ENOX1: variants seen among roughly 807,000 people sequenced by gnomAD.
The protein encoded by ENOX1 is candidate growth-related and time keeping constitutive hydroquinone (NADH) oxidase.
In ENOX1, 42 loss-of-function variants were observed where a neutral mutation model predicts 82.5. The observed-to-expected ratio is 0.51, with a 90% CI of 0.40 to 0.66. The LOEUF is 0.66. Among genes scored for constraint, ENOX1 ranks in the 30% least tolerant of loss-of-function variants. ENOX1 has a pLI of 0.00. For synonymous variants in ENOX1, 271 were observed against 282.2 expected (o/e 0.96, Z 0.40); for missense variants, 608 against 811.6 (o/e 0.75, Z 3.05).
chr13:43,362,761 A>T (rs2050610744), intron 5 of ENOX1, among the ~76,000 whole-genome samples: 1 of 152,204 alleles, frequency 6.6e-6, no homozygotes, highest in South Asian at 2.1e-4. Context: ...AGGTTTACAG[A>T]TTCCGCCAGC....
intron 2 of ENOX1, among the ~76,000 whole-genome samples, chr13:43,617,193 G>A (rs1280303251): frequency 6.6e-5 from 10 of 152,104 alleles, no homozygotes; most frequent in Non-Finnish European, 7.4e-5. Context: ...CCGTATGTAT[G>A]GTTATCAATA....
intron 8 of ENOX1, 80 bp from the exon 9 acceptor site, chr13:43,344,830 A>G (rs945803858): frequency 7.1e-7 from 1 of 1,407,108 alleles, no homozygotes; most frequent in African/African-American, 1.4e-5. Flanking sequence ...CAAAAGACAG[A>G]GCATAGTCCA....
At chr13:43,549,394 C>T (rs573974237) in intron 2 of ENOX1, among the ~76,000 whole-genome samples, 1 of 152,266 alleles carries the variant, frequency 6.6e-6, no homozygotes, top group South Asian at 2.1e-4. Flanking sequence ...AGCAAAATAA[C>T]AACTGCTAAA....
chr13:43,300,470 C>T (rs2046510299), intron 11 of ENOX1, among the ~76,000 whole-genome samples: 1 of 152,092 alleles, frequency 6.6e-6, no homozygotes, highest in Non-Finnish European at 1.5e-5. Context: ...TAAAAGAGGG[C>T]TTTGGAAGAT....
chr13:43,391,247 T>C (rs1405943166), intron 5 of ENOX1, among the ~76,000 whole-genome samples: 1 of 152,144 alleles, frequency 6.6e-6, no homozygotes, highest in Non-Finnish European at 1.5e-5. Context: ...TGACTACTCA[T>C]TTCCTCTCAA....
intron 1 of ENOX1, among the ~76,000 whole-genome samples, chr13:43,708,666 T>C (rs2087481232): frequency 1.3e-5 from 2 of 152,218 alleles, no homozygotes; most frequent in African/African-American, 4.8e-5. Context: ...GAAAGTGTGA[T>C]CTTTTCAACA....
intron 2 of ENOX1, among the ~76,000 whole-genome samples, chr13:43,553,211 A>G (rs568236598): frequency 6.6e-6 from 1 of 152,200 alleles, no homozygotes. Context: ...TATTTAATGT[A>G]GGTTTAGGTA....
intron 2 of ENOX1, among the ~76,000 whole-genome samples, chr13:43,504,754 T>C (rs535261300): frequency 5.9e-5 from 9 of 151,702 alleles, no homozygotes; most frequent in Non-Finnish European, 1.0e-4. Context: ...AGAGTGCCTA[T>C]AGTTAATATT....
At chr13:43,259,208 C>G (rs983445481) in intron 14 of ENOX1, among the ~76,000 whole-genome samples, 5 of 152,130 alleles carry the variant, frequency 3.3e-5, no homozygotes, top group Admixed American at 2.6e-4. Flanking sequence ...TAGGGTCACT[C>G]AGATTGAAAC....
chr13:43,469,316 G>T (rs2153644909), intron 3 of ENOX1, among the ~76,000 whole-genome samples: 1 of 152,002 alleles, frequency 6.6e-6, no homozygotes, highest in Non-Finnish European at 1.5e-5. Flanking sequence ...AATTATATTT[G>T]GTTCTGGTGT....
chr13:43,591,446 A>C (rs1225471802), intron 2 of ENOX1, among the ~76,000 whole-genome samples: 1 of 152,182 alleles, frequency 6.6e-6, no homozygotes. Flanking sequence ...TCTACAGATC[A>C]CACATGTAGA....
In ENOX1 at chr13:43,580,573, T is replaced by C. The variant is rs558125832; in HGVS notation, c.-219+86906A>G. On this transcript the variant is annotated intron_variant, in intron 2 of 16. Transcript: ENST00000690772. The stretch of plus-strand genomic sequence containing the variant: ...TCACCTCCCCTACAAAAGACTTTGA[T>C]GTCAGTGTGTGTCAGCCTCAGTTAA... Among the ~76,000 whole-genome samples the C allele has an allele frequency of 2.0e-5, 3 of 152,340 alleles. No homozygotes were observed. The East Asian group carries it at 5.8e-4, about 29-fold the overall frequency.
At chr13:43,226,903 G>T (rs1346639648) in intron 15 of ENOX1, among the ~76,000 whole-genome samples, 1 of 152,194 alleles carries the variant, frequency 6.6e-6, no homozygotes, top group Non-Finnish European at 1.5e-5. Context: ...GGTGACAAGG[G>T]TGTATAAGTC....
At chr13:43,618,692 T>A (rs997939278) in intron 2 of ENOX1, among the ~76,000 whole-genome samples, 5 of 152,172 alleles carry the variant, frequency 3.3e-5, no homozygotes, top group Admixed American at 6.6e-5. Flanking sequence ...TTGTTCTTTT[T>A]GCTTAGTCTT....
chr13:43,541,171 C>CTGT (rs2078693905), intron 2 of ENOX1, among the ~76,000 whole-genome samples: 3 of 38,732 alleles, frequency 7.7e-5, no homozygotes, highest in Non-Finnish European at 1.8e-4. Context: ...CTTCTTCCCT[C>CTGT]TGTTTTTTTT....
At chr13:43,347,483 T>C (rs1247174758) in intron 8 of ENOX1, among the ~76,000 whole-genome samples, 2 of 152,240 alleles carry the variant, frequency 1.3e-5, no homozygotes, top group Non-Finnish European at 2.9e-5. Context: ...AGTTAAGGCA[T>C]GCTTGATAAC....
At chr13:43,214,217 G>A (rs750452903) in intron 16 of ENOX1, 96 bp from the exon 17 acceptor site, 27 of 1,311,496 alleles carry the variant, frequency 2.1e-5, no homozygotes, top group Non-Finnish European at 2.9e-5. Flanking sequence ...GATATGAACA[G>A]CATTTAGTTT....
At chr13:43,251,809 A>G (rs753360138) in intron 14 of ENOX1, among the ~76,000 whole-genome samples, 1 of 152,270 alleles carries the variant, frequency 6.6e-6, no homozygotes, top group East Asian at 1.9e-4. Context: ...TCAGGCCAAC[A>G]TTTTTTCTGA....
At chr13:43,676,172 C>T (rs1385799206) in intron 1 of ENOX1, among the ~76,000 whole-genome samples, 1 of 152,114 alleles carries the variant, frequency 6.6e-6, no homozygotes. Context: ...TTCATCCAGT[C>T]TTTAGGTTTC....
Sources: gnomAD v4.1 joint callset for allele counts (sites outside exome capture counted in the v4.1 genomes callset) on GRCh38, gnomAD v4.1.1 for gene constraint, MANE v1.5 for transcripts, NCBI Gene and HGNC (gene_info 2026-07-23, HGNC 2026-07-21) for gene names.